Variants in FIBCD1 observed in about 807,000 individuals in gnomAD.
The protein encoded by FIBCD1 is fibrinogen C domain-containing protein 1.
FIBCD1 carries 47 observed loss-of-function variants against 45.1 expected under a neutral mutation model. That is an observed-to-expected ratio of 1.04 (90% CI 0.82 to 1.33). The LOEUF (loss-of-function observed/expected upper bound fraction) is 1.33, where lower values mean the gene tolerates loss of function less well. Among genes scored for constraint, FIBCD1 ranks in the 40% most tolerant of loss-of-function variants. The pLI, the probability that FIBCD1 is intolerant of heterozygous loss-of-function variation, is 0.00. For missense variants in FIBCD1, 653 were observed against 682.2 expected, an observed-to-expected ratio of 0.96 and a Z score of 0.48; for synonymous variants, 313 against 308.1, an observed-to-expected ratio of 1.02 and a Z score of -0.17.
chr9:130,910,418 C>T (rs1832015620), intron 5 of FIBCD1, among the ~76,000 whole-genome samples: 1 of 152,244 alleles, frequency 6.6e-6, no homozygotes, highest in Non-Finnish European at 1.5e-5. Context: ...CCTCCGTGGG[C>T]TCCTGTGCGG....
intron 4 of FIBCD1, 40 bp downstream of exon 4, chr9:130,923,704 C>T (rs747682354): frequency 7.5e-6 from 12 of 1,604,140 alleles, no homozygotes; most frequent in Admixed American, 3.4e-5. Context: ...TCACGGTCCC[C>T]GGTGCCTGCC....
chr9:130,935,723 AG>A (rs1210959111), intron 1 of FIBCD1, among the ~76,000 whole-genome samples: 3 of 152,222 alleles, frequency 2.0e-5, no homozygotes, highest in African/African-American at 7.2e-5. Context: ...GCCACCCCTT[AG>A]GCACTTGTCT....
rs760363908 is a variant in FIBCD1 at position 130,905,420 on chromosome 9, T to C, written c.947-7A>G. The C allele has an allele frequency of 4.4e-6, 7 of 1,601,446 alleles. No homozygotes were observed. In the Admixed American group the frequency reaches 8.6e-5, roughly 20 times the overall value. On this transcript the variant is annotated splice_region_variant and splice_polypyrimidine_tract_variant and intron_variant, in intron 5 of 6. Transcript: ENST00000372338. Reference sequence around the variant, plus strand: ...GCGTGGATCCTCTTGAGCCCTGAAGTTGGGGGGAAAATGGTGGGAGAAGCT... The same window carrying C: ...GCGTGGATCCTCTTGAGCCCTGAAGCTGGGGGGAAAATGGTGGGAGAAGCT...
chr9:130,937,712 T>C (rs1210017865), intron 1 of FIBCD1, among the ~76,000 whole-genome samples: 1 of 152,210 alleles, frequency 6.6e-6, no homozygotes, highest in Non-Finnish European at 1.5e-5. Flanking sequence ...CCCAGTCCCT[T>C]GGCAGCCCAG....
intron 4 of FIBCD1, among the ~76,000 whole-genome samples, chr9:130,916,865 A>C (rs1367965289): frequency 3.3e-5 from 5 of 152,272 alleles, no homozygotes; most frequent in African/African-American, 9.6e-5. Context: ...TGGGAGGCTG[A>C]GGCAGGCACA....
rs549579131 is a variant in FIBCD1, at chr9:130,923,644, G to A, written c.849+100C>T. ...AGGGCCAGTCCACAGATCCATGGTGGAGGGCTGGGTAGGAAGCTGCTCGGA... is the reference window on the plus strand; with the variant it reads ...AGGGCCAGTCCACAGATCCATGGTGAAGGGCTGGGTAGGAAGCTGCTCGGA... On this transcript the variant is annotated intron_variant, in intron 4 of 6. Coordinates refer to ENST00000372338, the MANE Select transcript of FIBCD1 (RefSeq NM_032843.5). The A allele has an allele frequency of 2.3e-4, 339 of 1,506,336 alleles. 1 individual carries two copies. The African/African-American group carries it at 4.2e-3, about 19-fold the overall frequency. The allele number at this position is 1,506,336 out of a possible 1,614,324, so 93.3% of individuals were successfully genotyped here.
At chr9:130,924,845 T>G (rs1832331526) in intron 2 of FIBCD1, among the ~76,000 whole-genome samples, 1 of 152,072 alleles carries the variant, frequency 6.6e-6, no homozygotes, top group Admixed American at 6.5e-5. Context: ...ACGCCTCGTC[T>G]CCCCTGGCCT....
At chr9:130,911,153 C>T (rs1005545593) in intron 5 of FIBCD1, among the ~76,000 whole-genome samples, 47 of 152,180 alleles carry the variant, frequency 3.1e-4, no homozygotes, top group Admixed American at 2.9e-3. Flanking sequence ...TTATGAGCTG[C>T]AACACTCACC....
At chr9:130,908,392 C>A (rs926827406) in intron 5 of FIBCD1, among the ~76,000 whole-genome samples, 1 of 152,226 alleles carries the variant, frequency 6.6e-6, no homozygotes, top group Non-Finnish European at 1.5e-5. Context: ...GGCATCACCG[C>A]TGCTCCAGGG....
chr9:130,930,691 C>T (rs1394988489), intron 1 of FIBCD1: 1 of 452,326 alleles, frequency 2.2e-6, no homozygotes, highest in East Asian at 7.0e-5. Context: ...AGGTGGAGAT[C>T]CCACCTCTGC....
intron 4 of FIBCD1, among the ~76,000 whole-genome samples, chr9:130,919,258 G>T (rs574420945): frequency 6.6e-6 from 1 of 152,102 alleles, no homozygotes; most frequent in Non-Finnish European, 1.5e-5. Flanking sequence ...TGTTGTCCCC[G>T]GTCACCGGTC....
At chr9:130,918,574 G>T (rs551974589) in intron 4 of FIBCD1, among the ~76,000 whole-genome samples, 4 of 152,368 alleles carry the variant, frequency 2.6e-5, no homozygotes, top group South Asian at 2.1e-4. Context: ...ATTCTGGGAG[G>T]GGGGCAGAGG....
intron 1 of FIBCD1, among the ~76,000 whole-genome samples, chr9:130,932,298 T>C (rs1832455266): frequency 6.6e-6 from 1 of 152,222 alleles, no homozygotes; most frequent in South Asian, 2.1e-4. Flanking sequence ...GGAGGGGACA[T>C]GCGCCTGGAC....
intron 3 of FIBCD1, 70 bp from the exon 4 acceptor site, chr9:130,923,950 G>A: frequency 6.2e-7 from 1 of 1,603,826 alleles, no homozygotes; most frequent in East Asian, 2.2e-5. Flanking sequence ...TGGCCAAACT[G>A]TCTGTCCATC....
intron 4 of FIBCD1, among the ~76,000 whole-genome samples, chr9:130,921,363 G>C (rs774964967): frequency 2.0e-5 from 3 of 152,246 alleles, no homozygotes; most frequent in African/African-American, 4.8e-5. Context: ...CCATGTGGCG[G>C]GGGGTGATCC....
chr9:130,924,660 ACCTGCCACC>A (rs2133107772), intron 2 of FIBCD1, among the ~76,000 whole-genome samples: 1 of 152,232 alleles, frequency 6.6e-6, no homozygotes, highest in South Asian at 2.1e-4. Context: ...TCCAGCAGGC[ACCTGCCACC>A]CCTGCTGCCC....
intron 4 of FIBCD1, among the ~76,000 whole-genome samples, chr9:130,921,557 C>T (rs896536052): frequency 5.9e-5 from 9 of 152,222 alleles, no homozygotes; most frequent in Admixed American, 4.6e-4. Context: ...CTCTAATCGC[C>T]CCTGAAGCTG....
chr9:130,929,535 G>T, intron 2 of FIBCD1, 32 bp downstream of exon 2: 1 of 1,488,236 alleles, frequency 6.7e-7, no homozygotes. Context: ...CTCGCCTCCA[G>T]CAAGACCCCA....
upstream of FIBCD1, among the ~76,000 whole-genome samples, chr9:130,939,937 C>A (rs1832593219): frequency 6.6e-6 from 1 of 151,982 alleles, no homozygotes; most frequent in Admixed American, 6.5e-5. Context: ...GCCGAGCCCG[C>A]CGGCCGCCCC....
Sources: allele counts gnomAD v4.1 joint callset (sites outside exome capture counted in the v4.1 genomes callset), GRCh38; gene constraint gnomAD v4.1.1; transcripts MANE v1.5; gene names NCBI Gene and HGNC (gene_info 2026-07-23, HGNC 2026-07-21).